Variants in XKR4 observed in about 807,000 individuals in gnomAD.
XKR4 encodes the protein XK-related protein 4.
Under a neutral mutation model 53.9 loss-of-function variants are expected in XKR4, and 12 were observed. The observed-to-expected ratio is 0.22, with a 90% CI of 0.14 to 0.36. XKR4 has a LOEUF of 0.36. Among genes scored for constraint, XKR4 ranks in the 10% least tolerant of loss-of-function variants. XKR4 has a pLI of 1.00. For missense variants in XKR4, 799 were observed against 859.5 expected (o/e 0.93, Z 0.88); for synonymous variants, 354 against 362.4 (o/e 0.98, Z 0.26).
intron 1 of XKR4, among the ~76,000 whole-genome samples, chr8:55,269,257 CTCTT>C (rs1247032704): frequency 1.3e-5 from 2 of 151,764 alleles, no homozygotes; most frequent in African/African-American, 4.8e-5. Flanking sequence ...TTTGTGGTCT[CTCTT>C]TCTCACTCTC....
intron 1 of XKR4, among the ~76,000 whole-genome samples, chr8:55,240,064 A>G (rs1360906959): frequency 2.0e-5 from 3 of 152,190 alleles, no homozygotes; most frequent in Non-Finnish European, 4.4e-5. Context: ...TCTACCTGCT[A>G]AACTGTTAAG....
rs1362412422 is a variant in XKR4, at chr8:55,373,177, GT to G, written c.1006+15308del. Among the ~76,000 whole-genome samples the G allele has an allele frequency of 2.0e-5, 3 of 151,876 alleles. No individual in the cohort carries two copies. In the South Asian group the frequency reaches 6.2e-4, roughly 32 times the overall value. On this transcript the variant is annotated intron_variant, in intron 2 of 2. Transcript: ENST00000327381. ...CTCGAAAACTACAAAAACTTTTGGGGTTTTTTTTAGATGGAGACTCACCCTG... is the reference window on the plus strand; with the variant it reads ...CTCGAAAACTACAAAAACTTTTGGGGTTTTTTTAGATGGAGACTCACCCTG...
rs1204490381 is a variant in XKR4, at chr8:55,539,222, AACTAG to A, written c.*15001_*15005del. On this transcript the variant is annotated 3_prime_UTR_variant, in exon 3 of 3. Coordinates refer to ENST00000327381, the MANE Select transcript of XKR4 (RefSeq NM_052898.2). ...TCATGATATAGGAATACATTCATAA[AACTAG>A]ACTAGCAAAGCAGATAATGTTTTCA... The A allele has an allele frequency of 6.6e-6, 1 of 152,234 alleles. No individual in the cohort carries two copies. Among genetic ancestry groups the A allele is most frequent in the Non-Finnish European group, 1.5e-5 (1 of 68,042 alleles). 9.4% of individuals were successfully genotyped at this position (152,234 alleles called of 1,614,324 possible).
chr8:55,528,736 C>T lies in XKR4; in HGVS notation c.*4509C>T, dbSNP rs1806909932. On this transcript the variant is annotated 3_prime_UTR_variant, in exon 3 of 3. Transcript: ENST00000327381. ...AATTTCAGTGACAGATGCAGATCAA[C>T]GTTCCTTTGTCTCGGCAATCCAATG... The T allele has an allele frequency of 1.3e-5, 2 of 152,094 alleles. No homozygotes were observed. The highest frequency in any genetic ancestry group is 4.1e-4 in the South Asian group (2 of 4,826). The allele number at this position is 152,094 out of a possible 1,614,324, so 9.4% of individuals were successfully genotyped here. A position where few individuals can be genotyped will look rare whatever the true frequency, so the allele number is the denominator to read the frequency against.
chr8:55,252,140 A>G (rs1177357582), intron 1 of XKR4, among the ~76,000 whole-genome samples: 1 of 152,244 alleles, frequency 6.6e-6, no homozygotes, highest in African/African-American at 2.4e-5. Context: ...GTGCATTTGT[A>G]GAAAACTTCT....
At chr8:55,193,096 G>A (rs1563479592) in intron 1 of XKR4, among the ~76,000 whole-genome samples, 1 of 151,346 alleles carries the variant, frequency 6.6e-6, no homozygotes, top group African/African-American at 2.4e-5. Context: ...TTAGGTCTTC[G>A]GATGAAAAAA....
intron 2 of XKR4, among the ~76,000 whole-genome samples, chr8:55,478,231 G>C (rs11991330): frequency 1.3e-5 from 2 of 151,928 alleles, no homozygotes; most frequent in African/African-American, 4.8e-5. Flanking sequence ...CCAGAAGAGA[G>C]TGGGGGCCAA....
chr8:55,319,770 A>G (rs954624615), intron 1 of XKR4, among the ~76,000 whole-genome samples: 1 of 152,222 alleles, frequency 6.6e-6, no homozygotes, highest in East Asian at 1.9e-4. Flanking sequence ...CTAGGAAGTA[A>G]GTTATTTTTA....
At chr8:55,460,860 C>T (rs771268886) in intron 2 of XKR4, among the ~76,000 whole-genome samples, 7 of 152,352 alleles carry the variant, frequency 4.6e-5, no homozygotes, top group East Asian at 3.9e-4. Flanking sequence ...GAGGTTCCTA[C>T]GCCCACAGAG....
At chr8:55,522,994 T>C (rs1806820406) in intron 2 of XKR4, among the ~76,000 whole-genome samples, 1 of 152,000 alleles carries the variant, frequency 6.6e-6, no homozygotes, top group Non-Finnish European at 1.5e-5. Context: ...TATAAAAAAT[T>C]AGCCAGGCAT....
intron 1 of XKR4, among the ~76,000 whole-genome samples, chr8:55,123,888 A>G (rs962842860): frequency 2.0e-5 from 3 of 152,220 alleles, no homozygotes; most frequent in South Asian, 2.1e-4. Context: ...ACTACAATTT[A>G]CAGTTAACAA....
intron 1 of XKR4, among the ~76,000 whole-genome samples, chr8:55,304,394 G>T (rs1010182383): frequency 1.5e-4 from 23 of 152,134 alleles, no homozygotes; most frequent in African/African-American, 3.6e-4. Flanking sequence ...TTTTACATTT[G>T]CTGAGGAGTG....
intron 1 of XKR4, among the ~76,000 whole-genome samples, chr8:55,345,725 T>A (rs1803626795): frequency 6.6e-6 from 1 of 152,160 alleles, no homozygotes; most frequent in Admixed American, 6.5e-5. Context: ...GCACACTCAT[T>A]GCTTTGGGAG....
Position 55,527,275 on chromosome 8 carries a change from G to C in XKR4, c.*3048G>C, listed in dbSNP as rs746835844. On this transcript the variant is annotated 3_prime_UTR_variant, in exon 3 of 3. Coordinates refer to ENST00000327381, the MANE Select transcript of XKR4 (RefSeq NM_052898.2). Reference sequence around the variant, plus strand: ...TTTTCAATCTGCCATTAAACCCTCCGCAGACAGTAACTGGAGAATCCCAAA... The same window carrying C: ...TTTTCAATCTGCCATTAAACCCTCCCCAGACAGTAACTGGAGAATCCCAAA... 1.3e-5 allele frequency: 2 copies of C among 151,970 alleles called. No individual in the cohort carries two copies. Among genetic ancestry groups the C allele is most frequent in the Non-Finnish European group, 2.9e-5 (2 of 68,004 alleles). The allele number at this position is 151,970 out of a possible 1,614,324, so 9.4% of individuals were successfully genotyped here.
chr8:55,296,568 C>T (rs761472472), intron 1 of XKR4, among the ~76,000 whole-genome samples: 3 of 152,052 alleles, frequency 2.0e-5, no homozygotes, highest in Non-Finnish European at 2.9e-5. Flanking sequence ...ACAGATACCA[C>T]ACAGAAACCA....
chr8:55,376,954 TCACA>T (rs59737150), intron 2 of XKR4, among the ~76,000 whole-genome samples: 5 of 145,424 alleles, frequency 3.4e-5, no homozygotes, highest in Admixed American at 6.8e-5. Context: ...AAACACACAC[TCACA>T]CACACACACA....
At chr8:55,126,721 T>A (rs947127464) in intron 1 of XKR4, among the ~76,000 whole-genome samples, 1 of 152,216 alleles carries the variant, frequency 6.6e-6, no homozygotes, top group Non-Finnish European at 1.5e-5. Flanking sequence ...CAGCTAAATT[T>A]GCTTTGGGGT....
rs558219898 is a variant in XKR4 at position 55,103,722 on chromosome 8, C to T, written c.806+428C>T. Among the ~76,000 whole-genome samples the T allele has an allele frequency of 1.5e-4, 22 of 150,936 alleles. 1 individual carries two copies. The East Asian group carries it at 3.9e-3, about 27-fold the overall frequency. On this transcript the variant is annotated intron_variant, in intron 1 of 2. Transcript: ENST00000327381. ...GCCATTTGGATGGTTTCTTTTGTTC[C>T]CTGGGGAAAAAAAATTGCTAATTCT...
chr8:55,449,286 T>C (rs1439338073), intron 2 of XKR4, among the ~76,000 whole-genome samples: 1 of 152,200 alleles, frequency 6.6e-6, no homozygotes, highest in African/African-American at 2.4e-5. Flanking sequence ...GGCTGTACTT[T>C]GGCCACCTCC....
Sources: gnomAD v4.1 joint callset for allele counts (sites outside exome capture counted in the v4.1 genomes callset) on GRCh38, gnomAD v4.1.1 for gene constraint, MANE v1.5 for transcripts, NCBI Gene and HGNC (gene_info 2026-07-23, HGNC 2026-07-21) for gene names.